Variants in ABCC4 observed in about 807,000 individuals in gnomAD.
The protein encoded by ABCC4 is ATP-binding cassette sub-family C member 4.
Under a neutral mutation model 168.5 loss-of-function variants are expected in ABCC4, and 102 were observed. That is an observed-to-expected ratio of 0.61 (90% CI 0.52 to 0.71). ABCC4 has a LOEUF of 0.71. Among genes scored for constraint, ABCC4 ranks in the 30% least tolerant of loss-of-function variants. The probability of loss-of-function intolerance (pLI) is 0.00; values close to 1 mark genes in which losing one functional copy is unlikely to be tolerated. For synonymous variants in ABCC4, 617 were observed against 590.7 expected (o/e 1.04, Z -0.65); for missense variants, 1,402 against 1,605.8 (o/e 0.87, Z 2.17).
Position 95,301,235 on chromosome 13 carries a change from A to G in ABCC4, c.74+6T>C, listed in dbSNP as rs760576861. Reference sequence around the variant, plus strand: ...AGGGTGACCTGTTTCGGGCGGGGACACTCACCAGAAGAACACGCGTGAGCA... The same window carrying G: ...AGGGTGACCTGTTTCGGGCGGGGACGCTCACCAGAAGAACACGCGTGAGCA... On this transcript the variant is annotated splice_donor_region_variant and intron_variant, in intron 1 of 30. Transcript: ENST00000645237. The G allele has an allele frequency of 3.0e-5, 47 of 1,582,054 alleles. No individual in the cohort carries two copies. The highest frequency in any genetic ancestry group is 3.9e-5 in the Non-Finnish European group (46 of 1,165,342).
chr13:95,208,643 C>T (rs2038858884), intron 6 of ABCC4, among the ~76,000 whole-genome samples: 2 of 105,498 alleles, frequency 1.9e-5, no homozygotes, highest in African/African-American at 7.6e-5. Flanking sequence ...TTTTTTGAGA[C>T]AGAGTCTCAC....
At position 95,096,227 on chromosome 13, in the gene ABCC4, G is replaced by A. The variant is rs760700481; in HGVS notation, c.2536-12937C>T. On this transcript the variant is annotated intron_variant, in intron 20 of 30. Transcript: ENST00000645237. The stretch of plus-strand genomic sequence containing the variant: ...TATTCAATGGGCTGGCAGCAGATTG[G>A]GATAAGAGAAAGAATCAATGACCCT... 6.4e-5 allele frequency: 39 copies of A among 606,270 alleles called. No individual in the cohort carries two copies. In the African/African-American group the frequency reaches 6.7e-4, roughly 10 times the overall value. The allele number at this position is 606,270 out of a possible 1,614,324, so 37.6% of individuals were successfully genotyped here. A position where few individuals can be genotyped will look rare whatever the true frequency, so the allele number is the denominator to read the frequency against.
chr13:95,203,805 A>C (rs894171494), intron 8 of ABCC4, among the ~76,000 whole-genome samples: 13 of 152,210 alleles, frequency 8.5e-5, no homozygotes, highest in Middle Eastern at 3.4e-3. Context: ...CCAGCTCCCC[A>C]GAGTTAAGGA....
intron 4 of ABCC4, among the ~76,000 whole-genome samples, chr13:95,225,601 C>T (rs1324192852): frequency 3.3e-5 from 5 of 152,022 alleles, no homozygotes; most frequent in Non-Finnish European, 5.9e-5. Context: ...GCCCAGGAGG[C>T]GGAGGTTGCA....
intron 19 of ABCC4, among the ~76,000 whole-genome samples, chr13:95,151,561 A>AG (rs1256977836): frequency 2.0e-5 from 3 of 147,226 alleles, no homozygotes; most frequent in South Asian, 2.2e-4. Flanking sequence ...GAGGAGGAGG[A>AG]GAAGGAGAAG....
At chr13:95,026,074 T>C (rs1402132245) in intron 30 of ABCC4, among the ~76,000 whole-genome samples, 8 of 152,060 alleles carry the variant, frequency 5.3e-5, no homozygotes, top group Non-Finnish European at 8.8e-5. Context: ...TAATGAAATC[T>C]TGTAAAACTA....
At chr13:95,195,883 C>T (rs1451707705) in intron 8 of ABCC4, among the ~76,000 whole-genome samples, 13 of 152,282 alleles carry the variant, frequency 8.5e-5, no homozygotes, top group Non-Finnish European at 1.5e-5. Flanking sequence ...ATCTACCCAC[C>T]TCGGCCTCCC....
intron 3 of ABCC4, among the ~76,000 whole-genome samples, 176 bp from the exon 4 acceptor site, chr13:95,235,010 C>A (rs2039726603): frequency 6.6e-6 from 1 of 152,090 alleles, no homozygotes; most frequent in African/African-American, 2.4e-5. Context: ...CACACCTCAG[C>A]CTCCCAAGTA....
At position 95,210,695 on chromosome 13, in the gene ABCC4, A is replaced by G; in HGVS notation, c.618T>C (p.Asp206=). Residue 206 remains aspartate, a synonymous_variant, in exon 5 of 31, where the codon GAT becomes GAC. Transcript: ENST00000645237. ...GGATCCCTGAGCTGCAGCTTACCTG[A>G]TCAAACTTGTTCACATCATTGGACA... ...NLLSNDVNKF[D]QVTVFLHFLW... 1 of 1,613,936 alleles carries G rather than the reference A, an allele frequency of 6.2e-7. No homozygotes were observed. The highest frequency in any genetic ancestry group is 8.5e-7 in the Non-Finnish European group (1 of 1,179,804).
chr13:95,262,163 G>A (rs575549015), intron 1 of ABCC4, among the ~76,000 whole-genome samples: 83 of 152,302 alleles, frequency 5.4e-4, no homozygotes, highest in Non-Finnish European at 1.0e-3. Context: ...CTGGGGCCCC[G>A]CACACCAGGT....
chr13:95,247,159 T>C, intron 2 of ABCC4, 64 bp from the exon 3 acceptor site: 3 of 1,539,286 alleles, frequency 1.9e-6, no homozygotes, highest in Non-Finnish European at 2.6e-6. Flanking sequence ...ACAGGGGAGA[T>C]GGCAGAGTGA....
In ABCC4 at chr13:95,114,466, C is replaced by CA. The variant is rs540960865; in HGVS notation, c.2535+1455dup. On this transcript the variant is annotated intron_variant, in intron 20 of 30. Coordinates refer to ENST00000645237, the MANE Select transcript of ABCC4 (RefSeq NM_005845.5). ...CAATCCCTGTCAAAACGTGTACAGA[C>CA]AATAATCTGCATTCTATGTAAACGG... Among the ~76,000 whole-genome samples the CA allele has an allele frequency of 3.1e-3, 473 of 152,092 alleles. 2 individuals carry two copies. The highest frequency in any genetic ancestry group is 9.0e-3 in the African/African-American group (373 of 41,484).
At chr13:95,030,580 C>G (rs1300230886) in intron 30 of ABCC4, among the ~76,000 whole-genome samples, 2 of 152,100 alleles carry the variant, frequency 1.3e-5, no homozygotes, top group Non-Finnish European at 2.9e-5. Flanking sequence ...TTAGGGTGGG[C>G]CCTGATCCAA....
chr13:95,162,776 A>C (rs1403082827), intron 18 of ABCC4, among the ~76,000 whole-genome samples: 1 of 152,184 alleles, frequency 6.6e-6, no homozygotes, highest in African/African-American at 2.4e-5. Context: ...CAGGGTGGAG[A>C]TCCGTTTCTA....
In ABCC4 at chr13:95,133,809, G is replaced by A. The variant is rs143617973; in HGVS notation, c.2456-17808C>T. On this transcript the variant is annotated intron_variant, in intron 19 of 30. Transcript: ENST00000645237. ...AGCCACCTTATGCAGAGAAGAAAAG[G>A]AGAATGAAGAGGATGTGGGTAAGCA... is the stretch of plus-strand genomic sequence containing the variant. Among the ~76,000 whole-genome samples, 4 of 152,328 alleles carry A rather than the reference G, an allele frequency of 2.6e-5. No homozygotes were observed. The East Asian group carries it at 5.8e-4, about 22-fold the overall frequency.
intron 1 of ABCC4, among the ~76,000 whole-genome samples, chr13:95,276,449 A>G (rs2040973237): frequency 6.6e-6 from 1 of 150,790 alleles, no homozygotes; most frequent in Non-Finnish European, 1.5e-5. Flanking sequence ...CGAAGCTGCA[A>G]TAAGCTGTGA....
At chr13:95,138,663 A>G (rs2036215204) in intron 19 of ABCC4, among the ~76,000 whole-genome samples, 1 of 152,224 alleles carries the variant, frequency 6.6e-6, no homozygotes, top group Non-Finnish European at 1.5e-5. Context: ...GATTCTAAAA[A>G]AAAAAGTTTA....
At chr13:95,179,648 G>A (rs930836758) in intron 11 of ABCC4, among the ~76,000 whole-genome samples, 2 of 152,160 alleles carry the variant, frequency 1.3e-5, no homozygotes, top group African/African-American at 4.8e-5. Context: ...ACAGATCCTA[G>A]CATAGACAAA....
At chr13:95,035,362 G>C (rs150935947) in intron 29 of ABCC4, among the ~76,000 whole-genome samples, 16 of 152,154 alleles carry the variant, frequency 1.1e-4, no homozygotes, top group Non-Finnish European at 2.1e-4. Context: ...TTATTATTCC[G>C]AGAGAGAAAG....
Sources: gnomAD v4.1 joint callset for allele counts (sites outside exome capture counted in the v4.1 genomes callset) on GRCh38, gnomAD v4.1.1 for gene constraint, MANE v1.5 for transcripts, NCBI Gene and HGNC (gene_info 2026-07-23, HGNC 2026-07-21) for gene names.